The following BBX variants were observed in gnomAD, a reference collection of about 807,000 sequenced individuals.
BBX encodes the protein HMG box transcription factor BBX.
In BBX, 30 loss-of-function variants were observed where a neutral mutation model predicts 100.2. That is an observed-to-expected ratio of 0.30 (90% confidence interval 0.22 to 0.41). BBX has a LOEUF of 0.41. Ranked by LOEUF, BBX falls within the 10% of genes least tolerant of loss-of-function variation. The pLI is 1.00. For missense variants in BBX, 1,023 were observed against 1,129.8 expected, an observed-to-expected ratio of 0.91 and a Z score of 1.35; for synonymous variants, 376 against 388.1, an observed-to-expected ratio of 0.97 and a Z score of 0.37.
chr3:107,524,999 T>C (rs1403342841), intron 1 of BBX, among the ~76,000 whole-genome samples: 1 of 148,938 alleles, frequency 6.7e-6, no homozygotes, highest in Non-Finnish European at 1.5e-5. Context: ...TGGGGTACTT[T>C]CCCCGCGCGG....
At chr3:107,646,510 C>T (rs1411805090) in intron 3 of BBX, among the ~76,000 whole-genome samples, 2 of 151,852 alleles carry the variant, frequency 1.3e-5, no homozygotes, top group Non-Finnish European at 1.5e-5. Context: ...TCAAAGCTGT[C>T]GTTTTAGGGG....
chr3:107,692,111 GT>G (rs1421881725), intron 3 of BBX, among the ~76,000 whole-genome samples: 4 of 151,440 alleles, frequency 2.6e-5, no homozygotes, highest in Non-Finnish European at 5.9e-5. Flanking sequence ...TTTCTGCATT[GT>G]TTTTTAAAAT....
intron 3 of BBX, among the ~76,000 whole-genome samples, chr3:107,665,356 T>C (rs1189352186): frequency 2.0e-5 from 3 of 152,216 alleles, no homozygotes; most frequent in Non-Finnish European, 2.9e-5. Flanking sequence ...ACTCTACTTT[T>C]TTTGAAAAAT....
intron 10 of BBX, among the ~76,000 whole-genome samples, chr3:107,769,687 G>A (rs996562969): frequency 2.0e-5 from 3 of 152,092 alleles, no homozygotes; most frequent in African/African-American, 7.2e-5. Flanking sequence ...TGGCTTCAGG[G>A]AACAGAACTG....
chr3:107,671,521 GA>G (rs956712026), intron 3 of BBX, among the ~76,000 whole-genome samples: 35 of 151,610 alleles, frequency 2.3e-4, no homozygotes, highest in Non-Finnish European at 3.2e-4. Context: ...CACAAGCTGA[GA>G]AAAAAAAGTC....
chr3:107,620,052 T>A (rs1364416062), intron 2 of BBX, among the ~76,000 whole-genome samples: 3 of 152,170 alleles, frequency 2.0e-5, no homozygotes, highest in African/African-American at 7.2e-5. Flanking sequence ...GTTTCATAGG[T>A]CCCTGAGGCT....
intron 13 of BBX, among the ~76,000 whole-genome samples, chr3:107,788,163 A>G (rs1042546933): frequency 2.6e-5 from 4 of 152,184 alleles, no homozygotes; most frequent in African/African-American, 9.7e-5. Flanking sequence ...CAGTAGAGGT[A>G]ATCACCAGAT....
At chr3:107,747,845 A>T (rs1378527493) in intron 8 of BBX, 120 bp from the exon 9 acceptor site, 5 of 698,126 alleles carry the variant, frequency 7.2e-6, no homozygotes, top group Non-Finnish European at 1.2e-5. Context: ...AAAGGGATTG[A>T]GGGTAATGAC....
At chr3:107,680,888 T>A (rs2059537806) in intron 3 of BBX, among the ~76,000 whole-genome samples, 1 of 152,216 alleles carries the variant, frequency 6.6e-6, no homozygotes, top group African/African-American at 2.4e-5. Context: ...AAATGACTCA[T>A]CAGCTTTGCA....
At chr3:107,673,555 A>G (rs1014899053) in intron 3 of BBX, among the ~76,000 whole-genome samples, 1 of 152,158 alleles carries the variant, frequency 6.6e-6, no homozygotes, top group Admixed American at 6.5e-5. Flanking sequence ...AATTCAGAGC[A>G]TAGGCAAAAG....
At chr3:107,642,648 C>G (rs1016508515) in intron 2 of BBX, among the ~76,000 whole-genome samples, 23 of 152,172 alleles carry the variant, frequency 1.5e-4, no homozygotes, top group African/African-American at 5.3e-4. Context: ...CTACCTCCCC[C>G]CTTTTTAAGG....
rs1041859110 is a variant in BBX at position 107,640,537 on chromosome 3, C to T, written c.-83-5299C>T. ...ATTCTAACTTTAAAAAATTCCTTTC[C>T]TTACCATTTTGACATTTATTACATA... On this transcript the variant is annotated intron_variant, in intron 2 of 17. Coordinates refer to ENST00000325805, the MANE Select transcript of BBX (RefSeq NM_001142568.3). 5.3e-5 allele frequency among the ~76,000 whole-genome samples: 8 copies of T among 152,036 alleles called. 1 individual carries two copies. Among genetic ancestry groups the T allele is most frequent in the Non-Finnish European group, 1.0e-4 (7 of 68,000 alleles).
chr3:107,523,861 C>G (rs2047544920), intron 1 of BBX, among the ~76,000 whole-genome samples: 2 of 152,052 alleles, frequency 1.3e-5, no homozygotes, highest in Admixed American at 6.5e-5. Context: ...CTCTCACCCC[C>G]CACCCCTACC....
intron 2 of BBX, among the ~76,000 whole-genome samples, chr3:107,631,967 G>A (rs2056575816): frequency 6.6e-6 from 1 of 152,116 alleles, no homozygotes. Flanking sequence ...ATGGTTTTCA[G>A]AATTCTTAAT....
intron 2 of BBX, among the ~76,000 whole-genome samples, chr3:107,614,151 C>T (rs958290838): frequency 1.4e-4 from 21 of 152,038 alleles, no homozygotes; most frequent in East Asian, 1.9e-4. Flanking sequence ...GGGGTTTCCC[C>T]CTTTTGGCCA....
chr3:107,688,288 AC>A (rs2059962692), intron 3 of BBX, among the ~76,000 whole-genome samples: 3 of 152,130 alleles, frequency 2.0e-5, no homozygotes, highest in African/African-American at 7.2e-5. Context: ...AAGTTGCTGA[AC>A]CTACTTAGTC....
At chr3:107,692,011 T>G (rs1325897253) in intron 3 of BBX, among the ~76,000 whole-genome samples, 1 of 152,138 alleles carries the variant, frequency 6.6e-6, no homozygotes. Flanking sequence ...ACTTAAGTTA[T>G]TCACCATCTT....
At chr3:107,613,950 T>G (rs1007049133) in intron 2 of BBX, among the ~76,000 whole-genome samples, 128 of 116,464 alleles carry the variant, frequency 1.1e-3, no homozygotes, top group African/African-American at 5.5e-3. Context: ...GGTTTTTTTT[T>G]TTTTTTTTTT....
intron 7 of BBX, among the ~76,000 whole-genome samples, chr3:107,737,306 G>C (rs200063838): frequency 1.5e-3 from 1 of 670 alleles, no homozygotes; most frequent in African/African-American, 1.6e-3. Context: ...CATACACACA[G>C]AGAGAGAGAG....
Sources: gnomAD v4.1 joint callset for allele counts (sites outside exome capture counted in the v4.1 genomes callset) on GRCh38, gnomAD v4.1.1 for gene constraint, MANE v1.5 for transcripts, NCBI Gene and HGNC (gene_info 2026-07-23, HGNC 2026-07-21) for gene names.